Variants in PIK3C2G observed in about 807,000 individuals in gnomAD.
The protein encoded by PIK3C2G is phosphatidylinositol-4-phosphate 3-kinase catalytic subunit type 2 gamma.
A neutral mutation model predicts 181.1 loss-of-function variants in PIK3C2G; 168 were observed. The observed-to-expected ratio is 0.93, with a 90% confidence interval of 0.82 to 1.05. The LOEUF is 1.05. Among genes scored for constraint, PIK3C2G ranks in the 50% least tolerant of loss-of-function variants. The pLI is 0.00. For synonymous variants in PIK3C2G, 573 were observed against 592.2 expected (o/e 0.97, Z 0.47); for missense variants, 1,869 against 1,732.8 (o/e 1.08, Z -1.40).
intron 1 of PIK3C2G, among the ~76,000 whole-genome samples, chr12:18,265,125 C>A (rs979018273): frequency 6.6e-6 from 1 of 152,116 alleles, no homozygotes; most frequent in Non-Finnish European, 1.5e-5. Flanking sequence ...TATTCAAACT[C>A]CAAGGAGAAA....
chr12:18,257,786 AAG>A (rs1361406726), upstream of PIK3C2G, among the ~76,000 whole-genome samples: 6 of 151,334 alleles, frequency 4.0e-5, no homozygotes, highest in South Asian at 2.1e-4. Flanking sequence ...AAAAGAAAGA[AAG>A]AGAAAGAAAG....
At chr12:18,608,154 C>T (rs1948147681) in intron 30 of PIK3C2G, among the ~76,000 whole-genome samples, 1 of 152,106 alleles carries the variant, frequency 6.6e-6, no homozygotes, top group Admixed American at 6.6e-5. Flanking sequence ...TGTGGTGATT[C>T]CTCAAGGATC....
At chr12:18,678,019 C>T in the PIK3C2G span, among the ~76,000 whole-genome samples, 2 of 152,042 alleles carry the variant, frequency 1.3e-5, no homozygotes, top group Non-Finnish European at 2.9e-5. Flanking sequence ...ATATAACTCT[C>T]ATTGGTTAAA....
intron 3 of PIK3C2G, among the ~76,000 whole-genome samples, chr12:18,287,614 G>A (rs1002503776): frequency 6.6e-6 from 1 of 152,100 alleles, no homozygotes; most frequent in Non-Finnish European, 1.5e-5. Flanking sequence ...CCAGCACTTT[G>A]GGAGGCCAAG....
chr12:18,441,119 T>G (rs1946724601), intron 18 of PIK3C2G, among the ~76,000 whole-genome samples: 1 of 152,174 alleles, frequency 6.6e-6, no homozygotes, highest in Non-Finnish European at 1.5e-5. Flanking sequence ...CATGGAATTC[T>G]GTAACACTAT....
chr12:18,293,856 T>C, intron 4 of PIK3C2G, 45 bp from the exon 5 acceptor site: 1 of 925,530 alleles, frequency 1.1e-6, no homozygotes, highest in Non-Finnish European at 1.8e-6. Context: ...CTAGTCAGTA[T>C]ATGATACACT....
At chr12:18,447,202 C>T (rs897551360) in intron 18 of PIK3C2G, among the ~76,000 whole-genome samples, 7 of 152,152 alleles carry the variant, frequency 4.6e-5, no homozygotes, top group African/African-American at 1.4e-4. Context: ...TTATGAACCA[C>T]GAGTGGCAGT....
the PIK3C2G span, among the ~76,000 whole-genome samples, chr12:18,700,292 C>T: frequency 6.6e-6 from 1 of 151,740 alleles, no homozygotes; most frequent in Admixed American, 6.6e-5. Context: ...GAAATGACTT[C>T]TATTACATAG....
intron 5 of PIK3C2G, among the ~76,000 whole-genome samples, chr12:18,301,670 T>C (rs994538731): frequency 2.0e-5 from 3 of 152,184 alleles, no homozygotes; most frequent in African/African-American, 7.2e-5. Flanking sequence ...ACTGAGTTTT[T>C]TTCATATCAT....
chr12:18,521,981 TG>T (rs1942951109), intron 24 of PIK3C2G, among the ~76,000 whole-genome samples: 1 of 152,172 alleles, frequency 6.6e-6, no homozygotes. Flanking sequence ...CTCCCTTGGC[TG>T]GGGGGTGGGG....
At chr12:18,710,232 CAAGGCCTTTG>C in the PIK3C2G span, among the ~76,000 whole-genome samples, 285 of 149,848 alleles carry the variant, frequency 1.9e-3, 1 homozygote, top group African/African-American at 6.7e-3. Context: ...TTCATCCTTG[CAAGGCCTTTG>C]AATTTTAAGA....
intron 16 of PIK3C2G, among the ~76,000 whole-genome samples, chr12:18,409,688 G>A (rs978954930): frequency 3.9e-5 from 6 of 152,154 alleles, no homozygotes; most frequent in Non-Finnish European, 8.8e-5. Flanking sequence ...AGTGAAAATG[G>A]CAGAATTGAA....
rs150519646 is a variant in PIK3C2G, at chr12:18,497,606, T to C, written c.2887-13T>C. 1.9e-4 allele frequency: 306 copies of C among 1,608,032 alleles called. No individual in the cohort carries two copies. In the African/African-American group the frequency reaches 3.6e-3, roughly 19 times the overall value. On this transcript the variant is annotated splice_polypyrimidine_tract_variant and intron_variant, in intron 21 of 32. Coordinates refer to ENST00000538779, the MANE Select transcript of PIK3C2G (RefSeq NM_001288772.2). ...AAGGAAAAACCCAGGGTCTATAATT[T>C]TGTTTTTAACAGGCTGGAGATGATC...
chr12:18,701,885 A>T, the PIK3C2G span: 4 of 1,457,362 alleles, frequency 2.7e-6, no homozygotes, highest in African/African-American at 5.7e-5. Context: ...CAGTAATAAG[A>T]TATGTAAGAA....
intron 18 of PIK3C2G, among the ~76,000 whole-genome samples, chr12:18,486,224 G>A (rs1004548888): frequency 9.9e-5 from 15 of 152,102 alleles, no homozygotes; most frequent in African/African-American, 3.6e-4. Context: ...ATGTAATCTT[G>A]GCAGGGATGC....
intron 26 of PIK3C2G, among the ~76,000 whole-genome samples, chr12:18,549,658 T>C (rs910336099): frequency 3.9e-5 from 6 of 152,048 alleles, no homozygotes; most frequent in Admixed American, 3.3e-4. Flanking sequence ...AGAGCCTGCG[T>C]TGGCTGAAGT....
At chr12:18,466,324 T>C (rs1592331235) in intron 18 of PIK3C2G, among the ~76,000 whole-genome samples, 1 of 151,904 alleles carries the variant, frequency 6.6e-6, no homozygotes, top group African/African-American at 2.4e-5. Flanking sequence ...AATTCTTTCT[T>C]ATTTTGTTGC....
the PIK3C2G span, among the ~76,000 whole-genome samples, chr12:18,686,863 T>C: frequency 6.6e-6 from 1 of 152,106 alleles, no homozygotes; most frequent in South Asian, 2.1e-4. Flanking sequence ...TAATGTTTGA[T>C]GAACCAAATT....
chr12:18,358,105 A>G (rs1940911792), intron 11 of PIK3C2G, among the ~76,000 whole-genome samples: 1 of 152,234 alleles, frequency 6.6e-6, no homozygotes, highest in African/African-American at 2.4e-5. Context: ...TCTTTTGGAT[A>G]AATACCCAGA....
Sources: gnomAD v4.1 joint callset for allele counts (sites outside exome capture counted in the v4.1 genomes callset) on GRCh38, gnomAD v4.1.1 for gene constraint, MANE v1.5 for transcripts, NCBI Gene and HGNC (gene_info 2026-07-23, HGNC 2026-07-21) for gene names.